Variants in ANO2 observed in about 807,000 individuals in gnomAD.
ANO2 encodes the protein anoctamin 2.
In ANO2, 101 loss-of-function variants were observed where a neutral mutation model predicts 124.2. The ratio of observed to expected loss-of-function variants is 0.81; its 90% CI spans 0.69 to 0.96. The LOEUF is 0.96. ANO2 is among the 40% of genes least tolerant of loss of function. ANO2 has a pLI of 0.00. For missense variants in ANO2, 1,293 were observed against 1,274.5 expected (o/e 1.01, Z -0.22); for synonymous variants, 486 against 482.5 (o/e 1.01, Z -0.09).
rs1951988414 is a variant in ANO2, at chr12:5,769,029, T to A, written c.1056-18059A>T. The stretch of plus-strand genomic sequence containing the variant: ...GATGGCAGCGCTGTGGAAGCTGGGC[T>A]TAGCTTATGTCCTGACAGCTGGAAA... On this transcript the variant is annotated intron_variant, in intron 10 of 24. Coordinates refer to ENST00000682330, the MANE Select transcript of ANO2 (RefSeq NM_001364791.2). This position sits in a 1 kb window ranked among gnomAD's most constrained non-coding sequence, Gnocchi z 4.0. 6.6e-6 allele frequency among the ~76,000 whole-genome samples: 1 copy of A among 152,146 alleles called. No individual in the cohort carries two copies. The highest frequency in any genetic ancestry group is 1.5e-5 in the Non-Finnish European group (1 of 68,028).
intron 12 of ANO2, chr12:5,739,766 A>G: frequency 2.4e-6 from 1 of 420,294 alleles, no homozygotes; most frequent in Non-Finnish European, 4.7e-6. Context: ...TTGCCTACGC[A>G]TACATTCTTT....
intron 13 of ANO2, among the ~76,000 whole-genome samples, chr12:5,734,925 C>T (rs368839751): frequency 3.3e-5 from 5 of 152,212 alleles, no homozygotes; most frequent in East Asian, 3.9e-4. Context: ...GCTGGGATTA[C>T]AGGCGTGAAC....
chr12:5,937,423 T>C (rs1942696306), intron 1 of ANO2, among the ~76,000 whole-genome samples: 1 of 151,766 alleles, frequency 6.6e-6, no homozygotes, highest in Admixed American at 6.6e-5. Flanking sequence ...ATTTTTGCTA[T>C]TGGATTGTGT....
chr12:5,658,556 CCAA>C lies in ANO2; in HGVS notation c.1546-10758_1546-10756del, dbSNP rs1385227321. Among the ~76,000 whole-genome samples the C allele has an allele frequency of 6.6e-6, 1 of 151,424 alleles. No homozygotes were observed. The highest frequency in any genetic ancestry group is 1.5e-5 in the Non-Finnish European group (1 of 67,970). On this transcript the variant is annotated intron_variant, in intron 14 of 24. Coordinates refer to ENST00000682330, the MANE Select transcript of ANO2 (RefSeq NM_001364791.2). The surrounding 1 kb of genome is among the most constrained non-coding windows in gnomAD (Gnocchi z 4.3). ...CATCGTATCAAAATCAATATAATCA[CCAA>C]CATCAATATTATCATTGTCATCAAT...
chr12:5,744,074 G>A (rs866203936), intron 12 of ANO2, 83 bp downstream of exon 12: 3 of 1,538,316 alleles, frequency 2.0e-6, no homozygotes, highest in East Asian at 2.3e-5. Flanking sequence ...TAAGTAACCT[G>A]AAGGGGATGA....
intron 14 of ANO2, among the ~76,000 whole-genome samples, chr12:5,722,755 C>A (rs1950282676): frequency 6.6e-6 from 1 of 152,054 alleles, no homozygotes; most frequent in Non-Finnish European, 1.5e-5. Flanking sequence ...AATAAACCCA[C>A]AACCAGAGCC....
At chr12:5,912,693 T>G (rs1366111024) in intron 3 of ANO2, among the ~76,000 whole-genome samples, 1 of 152,160 alleles carries the variant, frequency 6.6e-6, no homozygotes, top group Non-Finnish European at 1.5e-5. Flanking sequence ...CAGAGTTCTT[T>G]GTTGTGTTCC....
At chr12:5,915,219 G>C (rs552593255) in intron 3 of ANO2, among the ~76,000 whole-genome samples, 1 of 151,998 alleles carries the variant, frequency 6.6e-6, no homozygotes, top group African/African-American at 2.4e-5. Context: ...CTAATCAAAC[G>C]GTCAAACTAA....
At position 5,851,415 on chromosome 12, in the gene ANO2, T is replaced by G. The variant is rs151020224; in HGVS notation, c.633+2628A>C. Among the ~76,000 whole-genome samples, 19 of 152,058 alleles carry G rather than the reference T, an allele frequency of 1.2e-4. No individual in the cohort carries two copies. The East Asian group carries it at 2.1e-3, about 17-fold the overall frequency. ...AGATGTAGAGGTGTCTGGCTGGGTG[T>G]GGTGGCTCACGCTTGTAATCCCAAC... On this transcript the variant is annotated intron_variant, in intron 4 of 24. Transcript: ENST00000682330.
intron 4 of ANO2, among the ~76,000 whole-genome samples, chr12:5,844,717 T>C (rs1044121265): frequency 3.3e-5 from 5 of 152,146 alleles, no homozygotes; most frequent in African/African-American, 9.7e-5. Flanking sequence ...CAGACCAGGA[T>C]TCTTTAATCT....
intron 16 of ANO2, among the ~76,000 whole-genome samples, chr12:5,619,215 C>T (rs938520147): frequency 1.3e-5 from 2 of 152,182 alleles, no homozygotes; most frequent in African/African-American, 4.8e-5. Flanking sequence ...AGAGAAAACT[C>T]AATGGGATTG....
chr12:5,573,211 C>T (rs1789964080), intron 23 of ANO2, among the ~76,000 whole-genome samples: 1 of 152,198 alleles, frequency 6.6e-6, no homozygotes, highest in African/African-American at 2.4e-5. Context: ...CCTTCAACTT[C>T]CCATAGGGAC....
chr12:5,662,024 C>T (rs1947468854), intron 14 of ANO2, among the ~76,000 whole-genome samples: 1 of 152,244 alleles, frequency 6.6e-6, no homozygotes, highest in East Asian at 1.9e-4. Flanking sequence ...TGGCGCCCCT[C>T]CCTTCTCCCC....
chr12:5,874,032 C>CA (rs1040196555), intron 3 of ANO2, among the ~76,000 whole-genome samples: 20 of 152,344 alleles, frequency 1.3e-4, no homozygotes, highest in African/African-American at 4.8e-4. Flanking sequence ...CTTTTACACA[C>CA]ATCTGTGGAG....
chr12:5,666,280 C>G (rs1947711290), intron 14 of ANO2, among the ~76,000 whole-genome samples: 1 of 152,228 alleles, frequency 6.6e-6, no homozygotes, highest in African/African-American at 2.4e-5. Context: ...GTCTTTCTCT[C>G]TTTCCCACCC....
At position 5,750,962 on chromosome 12, in the gene ANO2, A is replaced by T; in HGVS notation, c.1064T>A (p.Phe355Tyr). The change falls in exon 11 of 25, where the codon TTT (phenylalanine) becomes TAT (tyrosine). Residue 355 changes from phenylalanine (F) to tyrosine (Y), a missense_variant. Coordinates refer to ENST00000682330, the MANE Select transcript of ANO2 (RefSeq NM_001364791.2). Reference sequence around the variant, plus strand: ...AAAATACAGTCCAATTTTTTCTCCAAAATACTTTCTGGAAAAGAAAGAAAA... The same window carrying T: ...AAAATACAGTCCAATTTTTTCTCCATAATACTTTCTGGAAAAGAAAGAAAA... ...FQPIDLIRKY[F>Y]GEKIGLYFAW... The T allele has an allele frequency of 6.3e-7, 1 of 1,597,942 alleles. No individual in the cohort carries two copies. Among genetic ancestry groups the T allele is most frequent in the Non-Finnish European group, 8.5e-7 (1 of 1,172,286 alleles).
chr12:5,681,192 A>G (rs1315626514), intron 14 of ANO2, among the ~76,000 whole-genome samples: 1 of 152,224 alleles, frequency 6.6e-6, no homozygotes, highest in East Asian at 1.9e-4. Context: ...AACAGGCAGC[A>G]TTTCAGGTGA....
At chr12:5,827,953 T>A in intron 6 of ANO2, 133 bp from the exon 7 acceptor site, 2 of 923,774 alleles carry the variant, frequency 2.2e-6, no homozygotes, top group African/African-American at 1.7e-5. Context: ...GCCAAGCATG[T>A]GCCTGGCTCA....
intron 14 of ANO2, among the ~76,000 whole-genome samples, chr12:5,655,987 C>T (rs1236569683): frequency 6.6e-6 from 1 of 152,276 alleles, no homozygotes; most frequent in African/African-American, 2.4e-5. Context: ...AGCAGCAAGG[C>T]GTCCATTAGA....
Sources: gnomAD v4.1 joint callset for allele counts (sites outside exome capture counted in the v4.1 genomes callset) on GRCh38, gnomAD v4.1.1 for gene constraint, Gnocchi (gnomAD v3.1) non-coding constraint, MANE v1.5 for transcripts, NCBI Gene and HGNC (gene_info 2026-07-23, HGNC 2026-07-21) for gene names.